TRAK1: variants seen among roughly 807,000 people sequenced by gnomAD.
TRAK1 encodes the protein trafficking kinesin-binding protein 1.
A neutral mutation model predicts 92.1 loss-of-function variants in TRAK1; 33 were observed. That is an observed-to-expected ratio of 0.36 (90% CI 0.27 to 0.48). The LOEUF (loss-of-function observed/expected upper bound fraction) is 0.48, where lower values mean the gene tolerates loss of function less well. TRAK1 is among the 20% of genes least tolerant of loss of function. The probability of loss-of-function intolerance (pLI) is 0.99; values close to 1 mark genes in which losing one functional copy is unlikely to be tolerated. For missense variants in TRAK1, 1,123 were observed against 1,257.9 expected (o/e 0.89, Z 1.62); for synonymous variants, 521 against 517.3 (o/e 1.01, Z -0.10).
intron 1 of TRAK1, among the ~76,000 whole-genome samples, chr3:42,122,112 C>T (rs1186457316): frequency 6.6e-6 from 1 of 152,168 alleles, no homozygotes; most frequent in Non-Finnish European, 1.5e-5. Flanking sequence ...GCCACTGCGC[C>T]TGGGCCAGAG....
intron 1 of TRAK1, among the ~76,000 whole-genome samples, chr3:42,024,442 T>C (rs1026298727): frequency 2.6e-5 from 4 of 152,254 alleles, no homozygotes; most frequent in African/African-American, 7.2e-5. Context: ...AAAGTATTTA[T>C]GATAGTCCTT....
intron 1 of TRAK1, among the ~76,000 whole-genome samples, chr3:42,095,487 T>G (rs1705771847): frequency 6.6e-6 from 1 of 152,178 alleles, no homozygotes; most frequent in Admixed American, 6.5e-5. Flanking sequence ...CAAAATATAG[T>G]CAGTGCAGAG....
chr3:42,213,054 A>AT lies in TRAK1; in HGVS notation c.1963+3091dup, dbSNP rs34073573. Among the ~76,000 whole-genome samples the AT allele has an allele frequency of 6.3e-3, 718 of 113,074 alleles. 13 individuals are homozygous for AT. Among genetic ancestry groups the AT allele is most frequent in the African/African-American group, 0.018 (502 of 28,676 alleles). 74.2% of individuals were successfully genotyped at this position (113,074 alleles called of 152,430 possible). ...GAACCATGTCCTAATTGGAGCTGAG[A>AT]TTTTTTTTTTTTTTTTTTTTTTGAG... On this transcript the variant is annotated intron_variant, in intron 14 of 15. Transcript: ENST00000327628.
chr3:42,153,484 A>C (rs1351643185), intron 2 of TRAK1, among the ~76,000 whole-genome samples: 1 of 152,194 alleles, frequency 6.6e-6, no homozygotes, highest in Non-Finnish European at 1.5e-5. Flanking sequence ...TTTTGTAATC[A>C]GACTTGCTCT....
chr3:42,020,077 C>T lies in TRAK1; in HGVS notation c.-519+5960C>T, dbSNP rs566432424. Among the ~76,000 whole-genome samples the T allele has an allele frequency of 4.6e-5, 7 of 152,218 alleles. 1 individual carries two copies. The highest frequency in any genetic ancestry group is 1.4e-4 in the African/African-American group (6 of 41,536). ...CAGATTCATGGTGGAACCAGGTGGC[C>T]GTGTTCTGGCTGGAGAACAGCAGTG... is the stretch of plus-strand genomic sequence containing the variant. On this transcript the variant is annotated intron_variant, in intron 1 of 16. Transcript: ENST00000487159.
At chr3:42,109,699 A>T in intron 1 of TRAK1, among the ~76,000 whole-genome samples, 1 of 152,148 alleles carries the variant, frequency 6.6e-6, no homozygotes, top group Non-Finnish European at 1.5e-5. Context: ...CTTGGAACCA[A>T]CCCAAATGCC....
chr3:42,065,589 C>A (rs546314969), intron 1 of TRAK1, among the ~76,000 whole-genome samples: 8 of 151,788 alleles, frequency 5.3e-5, no homozygotes, highest in African/African-American at 1.5e-4. Flanking sequence ...TAGCCTTTAC[C>A]CAACATAATT....
chr3:42,183,933 C>G (rs1049337898), intron 3 of TRAK1, among the ~76,000 whole-genome samples: 1 of 152,158 alleles, frequency 6.6e-6, no homozygotes, highest in African/African-American at 2.4e-5. Context: ...CCAAATTTTC[C>G]TCTGTATACT....
chr3:42,155,728 A>C (rs942313223), intron 2 of TRAK1, among the ~76,000 whole-genome samples: 1 of 152,220 alleles, frequency 6.6e-6, no homozygotes, highest in African/African-American at 2.4e-5. Context: ...TACGGTAGCC[A>C]CTGGTCACAT....
At chr3:42,099,689 C>CAA (rs1706458877) in intron 1 of TRAK1, among the ~76,000 whole-genome samples, 1 of 152,202 alleles carries the variant, frequency 6.6e-6, no homozygotes, top group South Asian at 2.1e-4. Context: ...TGTTCGGTTT[C>CAA]AGCTTATCTC....
chr3:42,160,157 C>T (rs1375740621), intron 2 of TRAK1: 7 of 1,308,858 alleles, frequency 5.3e-6, no homozygotes, highest in African/African-American at 1.5e-5. Flanking sequence ...CACCCCCTTC[C>T]GGGTCCTGCC....
At chr3:42,029,876 G>C (rs1268853022) in intron 1 of TRAK1, among the ~76,000 whole-genome samples, 3 of 152,060 alleles carry the variant, frequency 2.0e-5, no homozygotes, top group Non-Finnish European at 2.9e-5. Flanking sequence ...TGAAACCCCA[G>C]CTTCTGTGTG....
chr3:42,095,350 T>C (rs1443138275), intron 1 of TRAK1, among the ~76,000 whole-genome samples: 1 of 152,198 alleles, frequency 6.6e-6, no homozygotes, highest in Non-Finnish European at 1.5e-5. Context: ...CCCGGCAGCA[T>C]TGTTTTCTGA....
rs1704254264 is a variant in TRAK1, at chr3:42,224,260, A to G, written c.*523A>G. 1 of 336,124 alleles carries G rather than the reference A, an allele frequency of 3.0e-6. No individual in the cohort carries two copies. 20.8% of individuals were successfully genotyped at this position (336,124 alleles called of 1,614,324 possible). ...CAGCTGACGTGGCTTTCCTGATCGG[A>G]GGGCTTTTCTTTTATGGGTGGCCCA... is the stretch of plus-strand genomic sequence containing the variant. On this transcript the variant is annotated 3_prime_UTR_variant, in exon 16 of 16. Coordinates refer to ENST00000327628, the MANE Select transcript of TRAK1 (RefSeq NM_001042646.3).
intron 2 of TRAK1, among the ~76,000 whole-genome samples, chr3:42,167,805 G>A (rs567562337): frequency 5.3e-5 from 8 of 152,270 alleles, no homozygotes; most frequent in South Asian, 2.1e-4. Flanking sequence ...GCATGAACCC[G>A]TGAGGCAGAG....
chr3:42,192,988 T>C, intron 7 of TRAK1, 87 bp from the exon 8 acceptor site: 1 of 1,547,090 alleles, frequency 6.5e-7, no homozygotes, highest in East Asian at 2.3e-5. Context: ...TGGTTTTTCT[T>C]GTGCAAACCA....
chr3:42,156,838 A>G (rs576777777), intron 2 of TRAK1, among the ~76,000 whole-genome samples: 232 of 152,328 alleles, frequency 1.5e-3, no homozygotes, highest in African/African-American at 5.2e-3. Flanking sequence ...TTGGGCTTTA[A>G]AAACTGGAGC....
chr3:42,135,046 T>C (rs1207749766), intron 2 of TRAK1, among the ~76,000 whole-genome samples: 1 of 152,178 alleles, frequency 6.6e-6, no homozygotes, highest in African/African-American at 2.4e-5. Context: ...GGCTGGTTTT[T>C]GGGGGCCATG....
In TRAK1 at chr3:42,219,481, C is replaced by T. The variant is rs775213447; in HGVS notation, c.1964-13C>T. 10 of 1,613,900 alleles carry T rather than the reference C, an allele frequency of 6.2e-6. No homozygotes were observed. The East Asian group carries it at 2.0e-4, about 32-fold the overall frequency. ...TTGGATGCAAGGAATATGTTTTGTT[C>T]CTCCCAATTTAGCGCACCATCCTGG... On this transcript the variant is annotated splice_polypyrimidine_tract_variant and intron_variant, in intron 14 of 15. Coordinates refer to ENST00000327628, the MANE Select transcript of TRAK1 (RefSeq NM_001042646.3).
Sources: gnomAD v4.1 joint callset for allele counts (sites outside exome capture counted in the v4.1 genomes callset) on GRCh38, gnomAD v4.1.1 for gene constraint, MANE v1.5 for transcripts, NCBI Gene and HGNC (gene_info 2026-07-23, HGNC 2026-07-21) for gene names.